The following DDRGK1 variants were observed in gnomAD, a reference collection of about 807,000 sequenced individuals.
The protein encoded by DDRGK1 is DDRGK domain containing 1.
A neutral mutation model predicts 45.8 loss-of-function variants in DDRGK1; 38 were observed. That is an observed-to-expected ratio of 0.83 (90% CI 0.64 to 1.09). The LOEUF (loss-of-function observed/expected upper bound fraction) is 1.09. Ranked by LOEUF, DDRGK1 falls within the 50% of genes least tolerant of loss-of-function variation. DDRGK1 has a pLI of 0.00. For synonymous variants in DDRGK1, 171 were observed against 168.7 expected (o/e 1.01, Z -0.11); for missense variants, 403 against 419.9 (o/e 0.96, Z 0.35).
At chr20:3,191,984 C>A (rs2066991461) in intron 6 of DDRGK1, among the ~76,000 whole-genome samples, 163 bp from the exon 7 acceptor site, 1 of 150,814 alleles carries the variant, frequency 6.6e-6, no homozygotes, top group Non-Finnish European at 1.5e-5. Context: ...CACACACACA[C>A]ACACACACAC....
chr20:3,194,913 A>C, intron 5 of DDRGK1, 45 bp from the exon 6 acceptor site: 1 of 1,607,904 alleles, frequency 6.2e-7, no homozygotes. Flanking sequence ...TAGCAAGCCC[A>C]CAGGGTTCTG....
chr20:3,191,659 G>A (rs1195708434), intron 7 of DDRGK1, 106 bp downstream of exon 7: 1 of 1,304,126 alleles, frequency 7.7e-7, no homozygotes, highest in East Asian at 2.5e-5. Context: ...CTTGGTTGGG[G>A]ACAAGGTAGA....
intron 5 of DDRGK1, 43 bp downstream of exon 5, chr20:3,195,188 C>G: frequency 6.2e-7 from 1 of 1,613,558 alleles, no homozygotes. Context: ...ACAGGCTGCA[C>G]TGATGGGTGC....
chr20:3,199,078 CT>C (rs1388644166), intron 4 of DDRGK1, among the ~76,000 whole-genome samples: 2 of 151,612 alleles, frequency 1.3e-5, no homozygotes, highest in Non-Finnish European at 2.9e-5. Flanking sequence ...TTGCTTGAGG[CT>C]GGGAGGCAGA....
At chr20:3,191,401 C>T (rs2066988796) in intron 7 of DDRGK1, 163 bp from the exon 8 acceptor site, 1 of 777,804 alleles carries the variant, frequency 1.3e-6, no homozygotes, top group Non-Finnish European at 2.1e-6. Context: ...GTAGAAGGGG[C>T]TCTGGTCCTG....
chr20:3,200,881 T>C (rs765600255), intron 2 of DDRGK1, among the ~76,000 whole-genome samples: 24 of 152,058 alleles, frequency 1.6e-4, no homozygotes, highest in Non-Finnish European at 2.8e-4. Context: ...GAGGCAAAGG[T>C]GGGCGGATCA....
chr20:3,190,570 C>G lies in DDRGK1; in HGVS notation c.*83G>C. The G allele has an allele frequency of 6.5e-7, 1 of 1,529,826 alleles. No individual in the cohort carries two copies. Among genetic ancestry groups the G allele is most frequent in the South Asian group, 1.2e-5 (1 of 83,552 alleles). The allele number at this position is 1,529,826 out of a possible 1,614,324, so 94.8% of individuals were successfully genotyped here. On this transcript the variant is annotated 3_prime_UTR_variant, in exon 9 of 9. Transcript: ENST00000354488. ...CTATAACTGCCTGGCCACACCATCA[C>G]TTCCCCAGGATGGTGGGGAGGGATG...
chr20:3,201,115 A>G (rs965512673), intron 2 of DDRGK1, among the ~76,000 whole-genome samples: 8 of 147,786 alleles, frequency 5.4e-5, no homozygotes, highest in Admixed American at 1.3e-4. Flanking sequence ...GTCTCAGGGG[A>G]AAAAAAAATA....
chr20:3,194,885 A>G lies in DDRGK1; in HGVS notation c.634-17T>C, dbSNP rs1354526704. The G allele has an allele frequency of 6.2e-7, 1 of 1,613,832 alleles. No homozygotes were observed. The highest frequency in any genetic ancestry group is 8.5e-7 in the Non-Finnish European group (1 of 1,179,860). ...GCTCTGGGACTAGAGAAGCAGAGAAATCAGGGTGAGCACCCCCTAGCAAGC... is the reference window on the plus strand; with the variant it reads ...GCTCTGGGACTAGAGAAGCAGAGAAGTCAGGGTGAGCACCCCCTAGCAAGC... On this transcript the variant is annotated splice_polypyrimidine_tract_variant and intron_variant, in intron 5 of 8. Transcript: ENST00000354488.
chr20:3,199,629 G>A lies in DDRGK1; in HGVS notation c.510+372C>T, dbSNP rs138472437. ...AGCACCTTCTGTATGCCAGGCCCTCGATGTAAGAACCATCTCTTACAATGA... is the reference window on the plus strand; with the variant it reads ...AGCACCTTCTGTATGCCAGGCCCTCAATGTAAGAACCATCTCTTACAATGA... On this transcript the variant is annotated intron_variant, in intron 4 of 8. Transcript: ENST00000354488. 3.2e-3 allele frequency among the ~76,000 whole-genome samples: 487 copies of A among 152,260 alleles called. 5 individuals are homozygous for A. The highest frequency in any genetic ancestry group is 0.011 in the African/African-American group (446 of 41,546).
At chr20:3,195,574 G>GC (rs1366353489) in intron 4 of DDRGK1, among the ~76,000 whole-genome samples, 1 of 152,048 alleles carries the variant, frequency 6.6e-6, no homozygotes, top group Non-Finnish European at 1.5e-5. Flanking sequence ...ATGCTGCTCA[G>GC]CCCCTTCTCC....
chr20:3,196,521 CAAA>C (rs11382726), intron 4 of DDRGK1, among the ~76,000 whole-genome samples: 3 of 145,998 alleles, frequency 2.1e-5, no homozygotes, highest in African/African-American at 7.7e-5. Flanking sequence ...ACTAAAAATA[CAAA>C]AAAAAAATTA....
chr20:3,200,354 C>T lies in DDRGK1; in HGVS notation c.396G>A (p.Lys132=), dbSNP rs2067030612. The part of the protein sequence containing the change: ...LRKLEEKQAR[K]AQREAEEAER... ...CCCTCCGGCTTGCCTCACGCTGGGC[C>T]TTTCGCGCTTGTTTCTCCTCCAGCT... The change falls in exon 3 of 9, where the codon AAG becomes AAA. Residue 132 remains lysine, a synonymous_variant. Coordinates refer to ENST00000354488, the MANE Select transcript of DDRGK1 (RefSeq NM_023935.3). 2.6e-6 allele frequency: 4 copies of T among 1,566,774 alleles called. No individual in the cohort carries two copies. The African/African-American group carries it at 5.4e-5, about 21-fold the overall frequency.
chr20:3,193,733 A>C (rs762619172), intron 6 of DDRGK1, among the ~76,000 whole-genome samples: 1 of 152,254 alleles, frequency 6.6e-6, no homozygotes, highest in Non-Finnish European at 1.5e-5. Flanking sequence ...AGTTACCTCC[A>C]GGGAGCCACC....
chr20:3,197,472 G>A (rs1479355819), intron 4 of DDRGK1, among the ~76,000 whole-genome samples: 1 of 152,196 alleles, frequency 6.6e-6, no homozygotes, highest in Non-Finnish European at 1.5e-5. Flanking sequence ...CAACATTAGG[G>A]ACAAGTGAAG....
chr20:3,192,027 G>A (rs1301043464), intron 6 of DDRGK1, among the ~76,000 whole-genome samples: 1 of 148,236 alleles, frequency 6.7e-6, no homozygotes, highest in African/African-American at 2.5e-5. Context: ...ACAGAGACCC[G>A]CACAATCATA....
chr20:3,194,917 G>T (rs757693335), intron 5 of DDRGK1, 49 bp from the exon 6 acceptor site: 1 of 1,605,696 alleles, frequency 6.2e-7, no homozygotes, highest in African/African-American at 1.3e-5. Context: ...AAGCCCACAG[G>T]GTTCTGTACC....
At chr20:3,195,010 G>A (rs973250114) in intron 5 of DDRGK1, 142 bp from the exon 6 acceptor site, 50 of 1,324,294 alleles carry the variant, frequency 3.8e-5, no homozygotes, top group Middle Eastern at 2.1e-4. Flanking sequence ...TGCACATACC[G>A]CTTGCCTACA....
chr20:3,201,571 A>G (rs1028369170), intron 2 of DDRGK1, among the ~76,000 whole-genome samples: 4 of 152,034 alleles, frequency 2.6e-5, no homozygotes, highest in African/African-American at 9.7e-5. Flanking sequence ...TCGGGGTCAC[A>G]GATAGCGCTG....
Sources: allele counts gnomAD v4.1 joint callset (sites outside exome capture counted in the v4.1 genomes callset), GRCh38; gene constraint gnomAD v4.1.1; transcripts MANE v1.5; gene names NCBI Gene and HGNC (gene_info 2026-07-23, HGNC 2026-07-21).